MED27: variants seen among roughly 807,000 people sequenced by gnomAD.
The protein encoded by MED27 is mediator complex subunit 27.
A neutral mutation model predicts 38.2 loss-of-function variants in MED27; 30 were observed. The observed-to-expected ratio is 0.79, with a 90% CI of 0.59 to 1.07. The LOEUF (loss-of-function observed/expected upper bound fraction) is 1.07, where lower values mean the gene tolerates loss of function less well. Among genes scored for constraint, MED27 ranks in the 50% least tolerant of loss-of-function variants. The pLI is 0.00. For missense variants in MED27, 289 were observed against 397.5 expected (o/e 0.73, Z 2.32); for synonymous variants, 122 against 153.5 (o/e 0.79, Z 1.52).
Position 131,911,988 on chromosome 9 carries a change from G to A in MED27, c.574-17996C>T, listed in dbSNP as rs9411325. On this transcript the variant is annotated intron_variant, in intron 4 of 7. Coordinates refer to ENST00000292035, the MANE Select transcript of MED27 (RefSeq NM_004269.4). ...CCACAGCTGAGCCAGTGGTACCTCT[G>A]CCTTAGAACTTGGCAAATCTTAAAA... is the stretch of plus-strand genomic sequence containing the variant. 2.0e-3 allele frequency among the ~76,000 whole-genome samples: 309 copies of A among 152,286 alleles called. 2 individuals carry two copies. Among genetic ancestry groups the A allele is most frequent in the Middle Eastern group, 0.017 (5 of 292 alleles).
At chr9:131,936,560 C>A (rs1230907469) in intron 4 of MED27, among the ~76,000 whole-genome samples, 2 of 152,232 alleles carry the variant, frequency 1.3e-5, no homozygotes, top group African/African-American at 4.8e-5. Flanking sequence ...GCAGGCTAGG[C>A]CAGCAGGAGT....
intron 2 of MED27, among the ~76,000 whole-genome samples, chr9:132,069,407 G>A (rs1160604137): frequency 1.3e-5 from 2 of 152,208 alleles, no homozygotes; most frequent in African/African-American, 4.8e-5. Context: ...TAAAGACATG[G>A]AATTGGGCCA....
chr9:131,948,004 G>A (rs1438467581), intron 3 of MED27, among the ~76,000 whole-genome samples: 4 of 152,162 alleles, frequency 2.6e-5, no homozygotes, highest in East Asian at 1.9e-4. Flanking sequence ...GGAAACAGAC[G>A]AGGGCTTGTT....
At position 132,038,443 on chromosome 9, in the gene MED27, C is replaced by G. The variant is rs193070150; in HGVS notation, c.349-23976G>C. 5.5e-4 allele frequency among the ~76,000 whole-genome samples: 84 copies of G among 152,166 alleles called. No homozygotes were observed. The East Asian group carries it at 0.015, about 28-fold the overall frequency. On this transcript the variant is annotated intron_variant, in intron 2 of 7. Transcript: ENST00000292035. The stretch of plus-strand genomic sequence containing the variant: ...TCCTGACCTCGTGATCCGCCCGCCT[C>G]GGCCTCCCAAAGTGCTGGGATTACA...
intron 4 of MED27, among the ~76,000 whole-genome samples, chr9:131,910,278 T>C (rs533483391): frequency 1.1e-3 from 160 of 152,356 alleles, no homozygotes; most frequent in Non-Finnish European, 2.1e-3. Flanking sequence ...GAATGTATTA[T>C]GTATTACTAT....
intron 3 of MED27, among the ~76,000 whole-genome samples, chr9:131,986,008 G>C (rs1234628903): frequency 6.6e-6 from 1 of 151,906 alleles, no homozygotes; most frequent in Non-Finnish European, 1.5e-5. Flanking sequence ...ATAGAAAAAA[G>C]CTTTACAGAA....
At chr9:132,070,798 A>T in intron 2 of MED27, among the ~76,000 whole-genome samples, 1 of 138,622 alleles carries the variant, frequency 7.2e-6, no homozygotes, top group Non-Finnish European at 1.6e-5. Context: ...CGACTCCCAC[A>T]CCCCCCACCA....
intron 6 of MED27, among the ~76,000 whole-genome samples, chr9:131,878,947 T>C (rs1838987820): frequency 6.7e-6 from 1 of 150,264 alleles, no homozygotes; most frequent in South Asian, 2.1e-4. Context: ...CCACAGTAAA[T>C]GATGGGAACC....
rs564165419 is a variant in MED27, at chr9:132,073,605, T to C, written c.348+3837A>G. The C allele has an allele frequency of 6.7e-5, 95 of 1,425,746 alleles. No homozygotes were observed. In the African/African-American group the frequency reaches 9.3e-4, roughly 14 times the overall value. The allele number at this position is 1,425,746 out of a possible 1,614,324, so 88.3% of individuals were successfully genotyped here. On this transcript the variant is annotated intron_variant, in intron 2 of 7. Transcript: ENST00000292035. ...AAACAGAAAAGAGCACCTTCAGAGA[T>C]AGATGTGAGAGGTGAACTTTGCAGT...
intron 2 of MED27, among the ~76,000 whole-genome samples, chr9:132,025,777 A>G (rs1329617854): frequency 6.6e-6 from 1 of 152,252 alleles, no homozygotes; most frequent in Non-Finnish European, 1.5e-5. Flanking sequence ...TAAGAACATG[A>G]AAAGGGCTCA....
intron 3 of MED27, among the ~76,000 whole-genome samples, chr9:131,944,590 C>T (rs1206765623): frequency 6.6e-6 from 1 of 150,422 alleles, no homozygotes; most frequent in African/African-American, 2.5e-5. Flanking sequence ...TGCAGTGGCG[C>T]AATCTCAGCT....
intron 4 of MED27, among the ~76,000 whole-genome samples, chr9:131,905,799 G>A (rs1296239024): frequency 6.7e-6 from 1 of 150,002 alleles, no homozygotes; most frequent in Non-Finnish European, 1.5e-5. Flanking sequence ...GCAGAACATG[G>A]AAAAGAACCC....
At chr9:132,061,327 C>G (rs1245866064) in intron 2 of MED27, among the ~76,000 whole-genome samples, 1 of 152,220 alleles carries the variant, frequency 6.6e-6, no homozygotes, top group African/African-American at 2.4e-5. Context: ...CAGTCTCAGC[C>G]AGCATGGTTA....
At chr9:131,879,523 C>T (rs996418826) in intron 6 of MED27, among the ~76,000 whole-genome samples, 2 of 152,192 alleles carry the variant, frequency 1.3e-5, no homozygotes, top group Non-Finnish European at 2.9e-5. Flanking sequence ...GCTGGTGGCC[C>T]AGAACTCCCA....
At chr9:131,961,294 G>C (rs1043206202) in intron 3 of MED27, among the ~76,000 whole-genome samples, 1 of 152,328 alleles carries the variant, frequency 6.6e-6, no homozygotes, top group Non-Finnish European at 1.5e-5. Flanking sequence ...TTGTTTCAGA[G>C]ACAGAAGCTT....
At chr9:131,905,348 T>C (rs2131525259) in intron 4 of MED27, among the ~76,000 whole-genome samples, 1 of 152,318 alleles carries the variant, frequency 6.6e-6, no homozygotes, top group Non-Finnish European at 1.5e-5. Context: ...GTCCTTTATC[T>C]GTACATGACA....
chr9:132,053,253 C>CAA (rs530638575), intron 2 of MED27, among the ~76,000 whole-genome samples: 8 of 87,550 alleles, frequency 9.1e-5, no homozygotes, highest in Admixed American at 2.5e-4. Context: ...ACTCCCGTCT[C>CAA]AAAAAAAAAA....
intron 3 of MED27, among the ~76,000 whole-genome samples, chr9:131,957,759 T>G (rs1831133319): frequency 6.6e-6 from 1 of 152,096 alleles, no homozygotes; most frequent in Admixed American, 6.6e-5. Context: ...CAAAACATGC[T>G]TCCATGCACC....
chr9:131,948,997 C>A (rs1367775213), intron 3 of MED27, among the ~76,000 whole-genome samples: 1 of 152,224 alleles, frequency 6.6e-6, no homozygotes, highest in Non-Finnish European at 1.5e-5. Flanking sequence ...TATAAACCAA[C>A]CTGCCTACCT....
Sources: allele counts gnomAD v4.1 joint callset (sites outside exome capture counted in the v4.1 genomes callset), GRCh38; gene constraint gnomAD v4.1.1; transcripts MANE v1.5; gene names NCBI Gene and HGNC (gene_info 2026-07-23, HGNC 2026-07-21).